The following HSPA12A variants were observed in gnomAD, a reference collection of about 807,000 sequenced individuals.
HSPA12A encodes heat shock 70 kDa protein 12A.
In HSPA12A, 28 loss-of-function variants were observed where a neutral mutation model predicts 69.2. The observed-to-expected ratio is 0.40, with a 90% CI of 0.30 to 0.55. HSPA12A has a LOEUF of 0.55. HSPA12A is among the 20% of genes least tolerant of loss of function. HSPA12A has a pLI of 0.38. For missense variants in HSPA12A, 686 were observed against 900.7 expected, an observed-to-expected ratio of 0.76 and a Z score of 3.05; for synonymous variants, 345 against 370.5, an observed-to-expected ratio of 0.93 and a Z score of 0.79.
At chr10:116,761,120 T>C (rs1178738564) in intron 2 of HSPA12A, among the ~76,000 whole-genome samples, 5 of 151,454 alleles carry the variant, frequency 3.3e-5, no homozygotes, top group African/African-American at 7.3e-5. Flanking sequence ...GAGGCAGAGG[T>C]GGGTGAGTCA....
At chr10:116,713,906 TC>T (rs1332785677) in intron 1 of HSPA12A, among the ~76,000 whole-genome samples, 1 of 152,090 alleles carries the variant, frequency 6.6e-6, no homozygotes, top group Non-Finnish European at 1.5e-5. Context: ...CTGGCTTCTC[TC>T]CCATGGACTC....
intron 5 of HSPA12A, among the ~76,000 whole-genome samples, chr10:116,694,695 T>C (rs1225784447): frequency 3.9e-5 from 6 of 152,188 alleles, no homozygotes; most frequent in African/African-American, 1.2e-4. Flanking sequence ...CTCTGCACTC[T>C]CTGCTCCTTC....
At chr10:116,850,145 G>A (rs546421827), upstream of HSPA12A, 10 of 270,486 alleles carry the variant, frequency 3.7e-5, no homozygotes, top group African/African-American at 1.6e-4. Flanking sequence ...TTGATCACAG[G>A]ATGAACACCT....
chr10:116,849,821 C>G, upstream of HSPA12A: 2 of 1,375,366 alleles, frequency 1.5e-6, no homozygotes, highest in South Asian at 1.4e-5. Context: ...GCCTGCGCCT[C>G]AGAATCTCGC....
intron 2 of HSPA12A, among the ~76,000 whole-genome samples, chr10:116,813,247 ATT>A (rs71013618): frequency 1.0e-5 from 1 of 100,026 alleles, no homozygotes; most frequent in African/African-American, 3.7e-5. Context: ...CCAGAGCTCT[ATT>A]TTTTTTTTTT....
Position 116,771,260 on chromosome 10 carries a change from G to A in HSPA12A, c.91+63675C>T, listed in dbSNP as rs184161272. Among the ~76,000 whole-genome samples the A allele has an allele frequency of 5.3e-5, 8 of 152,356 alleles. No homozygotes were observed. The South Asian group carries it at 1.0e-3, about 20-fold the overall frequency. On this transcript the variant is annotated intron_variant, in intron 2 of 12. Transcript: ENST00000635765. ...GCTCTGAAGAGGCACATTCACAGGC[G>A]AGATAAAACAAGGACACTCGCTGGG... is the stretch of plus-strand genomic sequence containing the variant.
chr10:116,675,059 C>T lies in HSPA12A; in HGVS notation c.1750G>A (p.Val584Ile). The T allele has an allele frequency of 6.2e-7, 1 of 1,613,982 alleles. No individual in the cohort carries two copies. Among genetic ancestry groups the T allele is most frequent in the Non-Finnish European group, 8.5e-7 (1 of 1,180,000 alleles). ...TTGGCCGGGGTGTAGCTACGCTTGA[C>T]CAGCTCACCCAGAGCCACAGACTGG... ...ADQSVALGEL[V>I]KRSYTPAKPS... is the part of the protein sequence containing the mutation. The change falls in exon 12 of 12, where the codon GTC becomes ATC. Residue 584 changes from valine (V) to isoleucine (I), a missense_variant. Val to Ile is a conservative substitution (Grantham distance 29). Coordinates refer to ENST00000369209, the MANE Select transcript of HSPA12A (RefSeq NM_025015.3). The surrounding 1 kb of genome is among the most constrained non-coding windows in gnomAD (Gnocchi z 5.2).
rs185980034 is a variant in HSPA12A at position 116,762,743 on chromosome 10, C to A, written c.92-55458G>T. On this transcript the variant is annotated intron_variant, in intron 2 of 12. Transcript: ENST00000635765. ...GGACTACAGGCACATGCCACTACGT[C>A]TGGCTGATTTTTGTATTTTTAGTAG... Among the ~76,000 whole-genome samples, 3 of 152,290 alleles carry A rather than the reference C, an allele frequency of 2.0e-5. No homozygotes were observed. In the East Asian group the frequency reaches 5.8e-4, roughly 29 times the overall value.
chr10:116,821,883 G>A (rs1051333849), intron 2 of HSPA12A, among the ~76,000 whole-genome samples: 7 of 152,198 alleles, frequency 4.6e-5, no homozygotes, highest in Admixed American at 1.3e-4. Context: ...ACCAGAACCT[G>A]CCATTGGGTC....
chr10:116,843,248 T>C (rs1845831543), intron 1 of HSPA12A, among the ~76,000 whole-genome samples: 1 of 152,200 alleles, frequency 6.6e-6, no homozygotes, highest in South Asian at 2.1e-4. Flanking sequence ...ATTAAAGTGA[T>C]ACATCACCAG....
At chr10:116,703,836 G>A (rs186928351) in intron 3 of HSPA12A, among the ~76,000 whole-genome samples, 18 of 152,336 alleles carry the variant, frequency 1.2e-4, no homozygotes, top group Middle Eastern at 3.4e-3. Flanking sequence ...GTGCATCCCA[G>A]GAGGCCCAGG....
intron 2 of HSPA12A, among the ~76,000 whole-genome samples, chr10:116,763,863 T>C (rs782688279): frequency 6.6e-6 from 1 of 152,164 alleles, no homozygotes; most frequent in African/African-American, 2.4e-5. Context: ...AAGCCACTGG[T>C]TGGAAGCTGG....
At chr10:116,812,831 T>C (rs2133185635) in intron 2 of HSPA12A, among the ~76,000 whole-genome samples, 1 of 152,254 alleles carries the variant, frequency 6.6e-6, no homozygotes, top group Non-Finnish European at 1.5e-5. Flanking sequence ...CAGATGAGCT[T>C]TGGGCAGCCT....
At chr10:116,676,795 T>G (rs1027827141) in intron 10 of HSPA12A, among the ~76,000 whole-genome samples, 1 of 152,206 alleles carries the variant, frequency 6.6e-6, no homozygotes, top group Non-Finnish European at 1.5e-5. Context: ...AAGGGCTCAC[T>G]GTCTCTTTCG....
intron 1 of HSPA12A, among the ~76,000 whole-genome samples, chr10:116,709,201 C>T (rs943300677): frequency 1.3e-5 from 2 of 152,220 alleles, no homozygotes; most frequent in Admixed American, 6.5e-5. Context: ...AATCCCAGCA[C>T]TTTGGGAGGC....
intron 1 of HSPA12A, among the ~76,000 whole-genome samples, chr10:116,740,666 GTGTGTGTGTC>G (rs782702803): frequency 0.22 from 2,878 of 12,852 alleles, 61 homozygotes; most frequent in South Asian, 0.31. Flanking sequence ...GTGTGTGTGT[GTGTGTGTGTC>G]TGTGTGTGTG....
chr10:116,767,457 C>G (rs1291658724), intron 2 of HSPA12A, among the ~76,000 whole-genome samples: 1 of 152,146 alleles, frequency 6.6e-6, no homozygotes, highest in African/African-American at 2.4e-5. Flanking sequence ...TGGGTGGAGG[C>G]TTGGCCCTGG....
intron 1 of HSPA12A, among the ~76,000 whole-genome samples, chr10:116,843,570 C>G: frequency 6.6e-6 from 1 of 152,136 alleles, no homozygotes; most frequent in East Asian, 1.9e-4. Flanking sequence ...AAAGGTCACA[C>G]AAGTGGGAAC....
intron 2 of HSPA12A, among the ~76,000 whole-genome samples, chr10:116,748,639 A>G (rs1851704006): frequency 6.6e-6 from 1 of 152,202 alleles, no homozygotes; most frequent in African/African-American, 2.4e-5. Flanking sequence ...AGGCTTCACA[A>G]TCATGGCAGA....
Sources: gnomAD v4.1 joint callset for allele counts (sites outside exome capture counted in the v4.1 genomes callset) on GRCh38, gnomAD v4.1.1 for gene constraint, Gnocchi (gnomAD v3.1) non-coding constraint, MANE v1.5 for transcripts, NCBI Gene and HGNC (gene_info 2026-07-23, HGNC 2026-07-21) for gene names.